The following MAP4 variants were observed in gnomAD, a reference collection of about 807,000 sequenced individuals.
MAP4 encodes the protein microtubule-associated protein 4.
MAP4 carries 76 observed loss-of-function variants against 170.2 expected under a neutral mutation model. The ratio of observed to expected loss-of-function variants is 0.45; its 90% CI spans 0.37 to 0.54. The LOEUF (loss-of-function observed/expected upper bound fraction) is 0.54, where lower values mean the gene tolerates loss of function less well. Ranked by LOEUF, MAP4 falls within the 20% of genes least tolerant of loss-of-function variation. The pLI is 0.00. For synonymous variants in MAP4, 909 were observed against 994.5 expected (o/e 0.91, Z 1.62); for missense variants, 2,506 against 2,748.0 (o/e 0.91, Z 1.97).
chr3:48,061,318 G>C (rs1016913500), intron 1 of MAP4, among the ~76,000 whole-genome samples: 1 of 148,064 alleles, frequency 6.8e-6, no homozygotes. Flanking sequence ...TCAGCCTGCC[G>C]AGTGCCTGCG....
At chr3:47,892,733 C>T (rs1559936668) in intron 10 of MAP4, 13 of 1,334,320 alleles carry the variant, frequency 9.7e-6, no homozygotes, top group Non-Finnish European at 1.1e-5. Flanking sequence ...GCTTTCTGCA[C>T]AACAAAATGC....
intron 17 of MAP4, among the ~76,000 whole-genome samples, chr3:47,858,739 G>A (rs2060903703): frequency 6.6e-6 from 1 of 152,090 alleles, no homozygotes; most frequent in Non-Finnish European, 1.5e-5. Context: ...GGGAGGCTGA[G>A]GCAGGCAGAT....
chr3:48,011,281 C>A (rs982939310), intron 1 of MAP4, among the ~76,000 whole-genome samples: 4 of 152,170 alleles, frequency 2.6e-5, no homozygotes, highest in Admixed American at 1.3e-4. Context: ...AATCTCCCAG[C>A]ACTTTGGGAG....
rs772011572 is a variant in MAP4 at position 47,853,183 on chromosome 3, T to C, written c.6866A>G (p.Asp2289Gly). 3 of 1,588,226 alleles carry C rather than the reference T, an allele frequency of 1.9e-6. No individual in the cohort carries two copies. Among genetic ancestry groups the C allele is most frequent in the Admixed American group, 3.5e-5 (2 of 57,326 alleles). Reference protein sequence around the residue: ...GGDQREAQTLDSQIQETN With the variant: ...GGDQREAQTLGSQIQETN The stretch of plus-strand genomic sequence containing the variant: ...CTTACTTGTCTCCTGGATCTGGCTG[T>C]CCAAGGTCTGGGCCTCCCTTTGGTC... Residue 2289 changes from aspartate to glycine, a missense_variant, in exon 20 of 21, where the codon GAC becomes GGC. Physicochemically the swap from Asp to Gly is moderately conservative, Grantham distance 94. Around this residue, in one of 3 missense-constraint regions of MAP4, gnomAD observed 487 missense variants for 511.6 expected, o/e 0.95. Coordinates refer to ENST00000683076, the MANE Select transcript of MAP4 (RefSeq NM_001385682.1).
rs397817713 is a variant in MAP4 at position 47,858,021 on chromosome 3, CTTTT to C, written c.6502-513_6502-510del. ...CGTGAGCCACCACGCCTGGCCTTCA[CTTTT>C]TTTTTTTTTTTTTTTAAGACAGAGT... On this transcript the variant is annotated intron_variant, in intron 17 of 20. Transcript: ENST00000683076. Among the ~76,000 whole-genome samples the C allele has an allele frequency of 7.6e-5, 9 of 118,364 alleles. No homozygotes were observed. In the East Asian group the frequency reaches 2.0e-3, roughly 26 times the overall value. 77.7% of individuals were successfully genotyped at this position (118,364 alleles called of 152,430 possible).
At chr3:47,899,593 T>C (rs2100028936) in intron 10 of MAP4, among the ~76,000 whole-genome samples, 1 of 152,228 alleles carries the variant, frequency 6.6e-6, no homozygotes, top group Non-Finnish European at 1.5e-5. Context: ...CAGGAGCTTC[T>C]AGAAGGTAGG....
At chr3:47,906,674 ACT>A (rs2100033234) in intron 9 of MAP4, among the ~76,000 whole-genome samples, 1 of 150,768 alleles carries the variant, frequency 6.6e-6, no homozygotes, top group Non-Finnish European at 1.5e-5. Flanking sequence ...TGAGAGCAAA[ACT>A]CTGTCTCAAA....
At chr3:47,969,915 T>C (rs1161725684) in intron 3 of MAP4, among the ~76,000 whole-genome samples, 1 of 152,070 alleles carries the variant, frequency 6.6e-6, no homozygotes, top group Non-Finnish European at 1.5e-5. Context: ...GAATAAATGT[T>C]ATCCACTTCT....
rs1164338368 is a variant in MAP4, at chr3:47,855,095, T to C, written c.6696+153A>G. 3.2e-6 allele frequency: 2 copies of C among 621,524 alleles called. No individual in the cohort carries two copies. Among genetic ancestry groups the C allele is most frequent in the Non-Finnish European group, 5.9e-6 (2 of 341,218 alleles). 38.5% of individuals were successfully genotyped at this position (621,524 alleles called of 1,614,324 possible). On this transcript the variant is annotated intron_variant, in intron 19 of 20. Coordinates refer to ENST00000683076, the MANE Select transcript of MAP4 (RefSeq NM_001385682.1). This position sits in a 1 kb window ranked among gnomAD's most constrained non-coding sequence, Gnocchi z 5.1. ...CTTCTGCCTCAGTCAGGACTGATGATACACGGTGGGAAAACGGCAATGGTG... is the reference window on the plus strand; with the variant it reads ...CTTCTGCCTCAGTCAGGACTGATGACACACGGTGGGAAAACGGCAATGGTG...
chr3:47,934,967 T>A (rs1350309405), intron 3 of MAP4, among the ~76,000 whole-genome samples: 2 of 152,230 alleles, frequency 1.3e-5, no homozygotes, highest in East Asian at 1.9e-4. Context: ...CAGAAGCAAG[T>A]ATTAGCCTAG....
intron 1 of MAP4, among the ~76,000 whole-genome samples, chr3:48,050,539 C>T (rs2100127140): frequency 6.6e-6 from 1 of 150,834 alleles, no homozygotes; most frequent in South Asian, 2.1e-4. Context: ...CAGAAAGATT[C>T]GGTTTTCATT....
chr3:48,051,256 T>C (rs936315585), intron 1 of MAP4, among the ~76,000 whole-genome samples: 3 of 151,800 alleles, frequency 2.0e-5, no homozygotes, highest in Non-Finnish European at 4.4e-5. Flanking sequence ...CTACTAAAAA[T>C]ACAAAAATTA....
At chr3:47,985,676 A>C (rs1293513392) in intron 2 of MAP4, among the ~76,000 whole-genome samples, 13 of 152,208 alleles carry the variant, frequency 8.5e-5, no homozygotes, top group Non-Finnish European at 1.5e-5. Flanking sequence ...CTTCTAAAAA[A>C]TAACTTGCCC....
At chr3:48,009,458 A>G (rs1366713382) in intron 1 of MAP4, among the ~76,000 whole-genome samples, 2 of 152,176 alleles carry the variant, frequency 1.3e-5, no homozygotes, top group Non-Finnish European at 1.5e-5. Context: ...GCCTCTGACC[A>G]AGGCACTCAC....
chr3:47,924,561 A>T (rs941252693), intron 4 of MAP4, among the ~76,000 whole-genome samples: 13 of 152,164 alleles, frequency 8.5e-5, no homozygotes, highest in Non-Finnish European at 1.6e-4. Context: ...ATTGCCCTTG[A>T]CCTTCAAAAT....
At chr3:47,946,614 A>T (rs1022329647) in intron 3 of MAP4, among the ~76,000 whole-genome samples, 8 of 131,626 alleles carry the variant, frequency 6.1e-5, no homozygotes, top group Non-Finnish European at 3.1e-5. Flanking sequence ...AGATTGTGCC[A>T]TTGCACTCCT....
chr3:47,927,733 C>T (rs1256978582), intron 4 of MAP4, among the ~76,000 whole-genome samples: 1 of 152,122 alleles, frequency 6.6e-6, no homozygotes, highest in Non-Finnish European at 1.5e-5. Flanking sequence ...CTTTGGCCTC[C>T]CAAAGTGCTG....
intron 1 of MAP4, among the ~76,000 whole-genome samples, chr3:48,038,954 T>A (rs1296033496): frequency 5.9e-5 from 9 of 151,804 alleles, no homozygotes; most frequent in Admixed American, 4.6e-4. Flanking sequence ...ATACAAAAAT[T>A]AGCCAGGCAT....
chr3:48,080,724 TAATCCCAGCACTTTGGG>T (rs1282998068), intron 1 of MAP4, among the ~76,000 whole-genome samples: 1 of 152,230 alleles, frequency 6.6e-6, no homozygotes, highest in Non-Finnish European at 1.5e-5. Context: ...CTCAAGCCTG[TAATCCCAGCACTTTGGG>T]AGGCTGAGGC....
Sources: gnomAD v4.1 joint callset for allele counts (sites outside exome capture counted in the v4.1 genomes callset) on GRCh38, gnomAD v4.1.1 for gene constraint, gnomAD v4.1.1 regional missense constraint, Gnocchi (gnomAD v3.1) non-coding constraint, MANE v1.5 for transcripts, NCBI Gene and HGNC (gene_info 2026-07-23, HGNC 2026-07-21) for gene names.